The following PPTC7 variants were observed in gnomAD, a reference collection of about 807,000 sequenced individuals.
PPTC7 encodes the protein protein phosphatase PTC7 homolog.
Under a neutral mutation model 30.8 loss-of-function variants are expected in PPTC7, and 6 were observed. The ratio of observed to expected loss-of-function variants is 0.19; its 90% CI spans 0.11 to 0.38. The LOEUF is 0.38. Ranked by LOEUF, PPTC7 falls within the 10% of genes least tolerant of loss-of-function variation. PPTC7 has a pLI of 1.00. For missense variants in PPTC7, 218 were observed against 404.8 expected (o/e 0.54, Z 3.96); for synonymous variants, 163 against 168.1 (o/e 0.97, Z 0.23).
At chr12:110,555,349 G>A (rs1449189383) in intron 1 of PPTC7, among the ~76,000 whole-genome samples, 4 of 152,118 alleles carry the variant, frequency 2.6e-5, no homozygotes, top group African/African-American at 4.8e-5. Flanking sequence ...TCTGGGATTC[G>A]TTTCAAAATA....
chr12:110,555,796 T>C (rs1419384301), intron 1 of PPTC7, among the ~76,000 whole-genome samples: 1 of 152,218 alleles, frequency 6.6e-6, no homozygotes, highest in Non-Finnish European at 1.5e-5. Context: ...ATTAAAAGAA[T>C]TTAAGATCAT....
intron 1 of PPTC7, among the ~76,000 whole-genome samples, chr12:110,567,643 TCAGA>T (rs1441616848): frequency 4.6e-5 from 7 of 152,204 alleles, no homozygotes; most frequent in Non-Finnish European, 7.3e-5. Flanking sequence ...CCTTTCTAGC[TCAGA>T]CAATTTCAGT....
At chr12:110,538,635 C>T (rs762103841) in intron 4 of PPTC7, among the ~76,000 whole-genome samples, 45 of 152,344 alleles carry the variant, frequency 3.0e-4, no homozygotes, top group Middle Eastern at 3.4e-3. Context: ...CCAGTTTGCT[C>T]TCCAAGAGCT....
intron 3 of PPTC7, among the ~76,000 whole-genome samples, chr12:110,541,013 G>A (rs2064255016): frequency 6.6e-6 from 1 of 151,594 alleles, no homozygotes; most frequent in African/African-American, 2.4e-5. Flanking sequence ...CTGACCTCGT[G>A]ATCTGCCCGC....
intron 5 of PPTC7, 50 bp from the exon 6 acceptor site, chr12:110,537,145 T>TA (rs2064224327): frequency 7.0e-7 from 1 of 1,438,780 alleles, no homozygotes; most frequent in Non-Finnish European, 9.8e-7. Context: ...GAAAAGTCAA[T>TA]AAAAAATGTG....
intron 2 of PPTC7, among the ~76,000 whole-genome samples, chr12:110,546,973 T>C (rs1448368689): frequency 1.3e-5 from 2 of 151,890 alleles, no homozygotes; most frequent in Admixed American, 1.3e-4. Flanking sequence ...GTAGGGAACA[T>C]GCCCACTGCA....
At position 110,582,950 on chromosome 12, in the gene PPTC7, C is replaced by A; in HGVS notation, c.82G>T (p.Gly28Cys). ...AGTCCGTAGTCGCCGCCGCCGCCGC[C>A]GCCGGCCCTGGGGTCGGTCTGCGAG... ...GLSQTDPRAG[G>C]GGGGDYGLVT... Residue 28 changes from glycine (G) to cysteine (C), a missense_variant, in exon 1 of 6, where the codon GGC becomes TGC. By Grantham distance (159) the Gly-to-Cys change is radical (BLOSUM62 -3). Coordinates refer to ENST00000354300, the MANE Select transcript of PPTC7 (RefSeq NM_139283.2). 6.5e-7 allele frequency: 1 copy of A among 1,542,248 alleles called. No individual in the cohort carries two copies.
intron 1 of PPTC7, among the ~76,000 whole-genome samples, chr12:110,561,416 T>G (rs1271966385): frequency 1.3e-5 from 2 of 152,074 alleles, no homozygotes; most frequent in Non-Finnish European, 2.9e-5. Context: ...CAGGTTCAAG[T>G]GACTCTCCTG....
intron 1 of PPTC7, among the ~76,000 whole-genome samples, chr12:110,559,661 G>C (rs2064421073): frequency 6.6e-6 from 1 of 150,870 alleles, no homozygotes; most frequent in African/African-American, 2.4e-5. Context: ...GGGAGGTGGA[G>C]GTTGCAATGA....
chr12:110,564,835 G>GT (rs35564692), intron 1 of PPTC7, among the ~76,000 whole-genome samples: 2 of 112,398 alleles, frequency 1.8e-5, no homozygotes, highest in African/African-American at 8.6e-5. Flanking sequence ...ATACATACAC[G>GT]TTATATATAT....
In PPTC7 at chr12:110,546,033, C is replaced by A; in HGVS notation, c.449G>T (p.Arg150Leu). 1.9e-6 allele frequency: 3 copies of A among 1,614,140 alleles called. No individual in the cohort carries two copies. Among genetic ancestry groups the A allele is most frequent in the Non-Finnish European group, 1.7e-6 (2 of 1,180,020 alleles). The part of the protein sequence containing the change: ...CIVVLDRTSH[R>L]LHTANLGDSG... ...ATCGCCCAGGTTTGCTGTGTGTAAG[C>A]GGTGGCTGGTTCTGTCCAGCACCAC... is the stretch of plus-strand genomic sequence containing the variant. Residue 150 changes from arginine to leucine, a missense_variant, in exon 3 of 6, where the codon CGC becomes CTC. Coordinates refer to ENST00000354300, the MANE Select transcript of PPTC7 (RefSeq NM_139283.2).
At chr12:110,561,180 C>G (rs970791281) in intron 1 of PPTC7, among the ~76,000 whole-genome samples, 13 of 152,268 alleles carry the variant, frequency 8.5e-5, no homozygotes, top group African/African-American at 3.1e-4. Context: ...CTTTAGTGTT[C>G]TCAGAGCCAG....
At position 110,568,817 on chromosome 12, in the gene PPTC7, G is replaced by C. The variant is rs1435635655; in HGVS notation, c.223+13992C>G. Among the ~76,000 whole-genome samples the C allele has an allele frequency of 2.6e-5, 4 of 152,176 alleles. No homozygotes were observed. In the East Asian group the frequency reaches 5.8e-4, roughly 22 times the overall value. On this transcript the variant is annotated intron_variant, in intron 1 of 5. Transcript: ENST00000354300. ...CGTTTCACAAGGTGTCATTCCCTGG[G>C]TCAGAACTCGCTACAAGATGTTCCT...
intron 3 of PPTC7, among the ~76,000 whole-genome samples, chr12:110,544,585 C>T (rs1173510869): frequency 6.6e-6 from 1 of 152,204 alleles, no homozygotes; most frequent in African/African-American, 2.4e-5. Context: ...CCTGTAATCC[C>T]AGCACTTTGG....
intron 1 of PPTC7, among the ~76,000 whole-genome samples, chr12:110,565,563 C>A (rs1432654736): frequency 6.6e-6 from 1 of 152,144 alleles, no homozygotes; most frequent in South Asian, 2.1e-4. Flanking sequence ...CCCATACTTT[C>A]CAATTTTTTA....
rs906201921 is a variant in PPTC7 at position 110,534,457 on chromosome 12, G to A, written c.*2580C>T. On this transcript the variant is annotated 3_prime_UTR_variant, in exon 6 of 6. Coordinates refer to ENST00000354300, the MANE Select transcript of PPTC7 (RefSeq NM_139283.2). ...AACACACACATCAGGTTCAGAATCA[G>A]ACCCACCAAGTGGTACAGCACAGTA... is the stretch of plus-strand genomic sequence containing the variant. 4.0e-5 allele frequency: 6 copies of A among 151,770 alleles called. No individual in the cohort carries two copies. Among genetic ancestry groups the A allele is most frequent in the African/African-American group, 1.5e-4 (6 of 41,288 alleles). The allele number at this position is 151,770 out of a possible 1,614,324, so 9.4% of individuals were successfully genotyped here.
chr12:110,562,830 A>G (rs2064449588), intron 1 of PPTC7, among the ~76,000 whole-genome samples: 1 of 151,270 alleles, frequency 6.6e-6, no homozygotes, highest in African/African-American at 2.4e-5. Flanking sequence ...AAAAGAAGAA[A>G]GATGTTTCTG....
At chr12:110,558,843 T>C (rs2064411543) in intron 1 of PPTC7, among the ~76,000 whole-genome samples, 1 of 152,206 alleles carries the variant, frequency 6.6e-6, no homozygotes, top group Non-Finnish European at 1.5e-5. Flanking sequence ...CTTGACTTCA[T>C]GATCCGCCCG....
At chr12:110,555,086 T>C (rs573922888) in intron 1 of PPTC7, among the ~76,000 whole-genome samples, 17 of 152,316 alleles carry the variant, frequency 1.1e-4, no homozygotes, top group African/African-American at 4.1e-4. Context: ...GCAGAGTGCC[T>C]ATATATACAT....
Sources: gnomAD v4.1 joint callset for allele counts (sites outside exome capture counted in the v4.1 genomes callset) on GRCh38, gnomAD v4.1.1 for gene constraint, MANE v1.5 for transcripts, NCBI Gene and HGNC (gene_info 2026-07-23, HGNC 2026-07-21) for gene names.